AHCYL2: variants seen among roughly 807,000 people sequenced by gnomAD.
AHCYL2 encodes S-adenosylhomocysteine hydrolase-like protein 2.
Under a neutral mutation model 81.4 loss-of-function variants are expected in AHCYL2, and 28 were observed. The ratio of observed to expected loss-of-function variants is 0.34; its 90% CI spans 0.25 to 0.47. The LOEUF (loss-of-function observed/expected upper bound fraction) is 0.47, where lower values mean the gene tolerates loss of function less well. AHCYL2 is among the 20% of genes least tolerant of loss of function. The probability of loss-of-function intolerance (pLI) is 1.00; values close to 1 mark genes in which losing one functional copy is unlikely to be tolerated. For synonymous variants in AHCYL2, 272 were observed against 290.2 expected, an observed-to-expected ratio of 0.94 and a Z score of 0.64; for missense variants, 551 against 785.1, an observed-to-expected ratio of 0.70 and a Z score of 3.56.
At chr7:129,405,476 C>T (rs781597928) in intron 8 of AHCYL2, 16 of 350,524 alleles carry the variant, frequency 4.6e-5, no homozygotes, top group Non-Finnish European at 7.5e-5. Flanking sequence ...GTGTTATCTA[C>T]ATCTTCTTCC....
intron 1 of AHCYL2, among the ~76,000 whole-genome samples, chr7:129,370,349 T>C (rs2150859520): frequency 6.6e-6 from 1 of 152,218 alleles, no homozygotes; most frequent in Middle Eastern, 3.4e-3. Flanking sequence ...AAACACTCTT[T>C]ATTTAATAAA....
chr7:129,364,357 C>T (rs1007791516), intron 1 of AHCYL2, among the ~76,000 whole-genome samples: 10 of 152,146 alleles, frequency 6.6e-5, no homozygotes, highest in Admixed American at 1.3e-4. Context: ...TGCAGTGGCG[C>T]GATCTCGGCT....
At chr7:129,344,179 A>G (rs1457100477) in intron 1 of AHCYL2, among the ~76,000 whole-genome samples, 1 of 152,202 alleles carries the variant, frequency 6.6e-6, no homozygotes, top group African/African-American at 2.4e-5. Flanking sequence ...TGCTGGTGTG[A>G]AACAGTTTAT....
chr7:129,295,136 G>C (rs1427631148), intron 1 of AHCYL2, among the ~76,000 whole-genome samples: 1 of 152,178 alleles, frequency 6.6e-6, no homozygotes, highest in Non-Finnish European at 1.5e-5. Context: ...AATGGCACAG[G>C]AGTTATTCTC....
At chr7:129,267,233 G>GTGTGTGTGTGTA (rs371788777) in intron 1 of AHCYL2, among the ~76,000 whole-genome samples, 4,197 of 103,062 alleles carry the variant, frequency 0.041, 77 homozygotes, top group East Asian at 0.099. Flanking sequence ...CTCAAGGGGT[G>GTGTGTGTGTGTA]TGTGTGTGTG....
intron 1 of AHCYL2, among the ~76,000 whole-genome samples, chr7:129,243,355 G>A (rs1044123259): frequency 1.3e-5 from 2 of 151,824 alleles, no homozygotes; most frequent in Non-Finnish European, 2.9e-5. Context: ...TATCAGATAT[G>A]TGTGTGTGTT....
rs79518285 is a variant in AHCYL2 at position 129,419,229 on chromosome 7, G to A, written c.1462-3611G>A. Among the ~76,000 whole-genome samples, 4 of 152,076 alleles carry A rather than the reference G, an allele frequency of 2.6e-5. No homozygotes were observed. The highest frequency in any genetic ancestry group is 9.7e-5 in the African/African-American group (4 of 41,398). On this transcript the variant is annotated intron_variant, in intron 12 of 16. Coordinates refer to ENST00000325006, the MANE Select transcript of AHCYL2 (RefSeq NM_015328.4). This position sits in a 1 kb window ranked among gnomAD's most constrained non-coding sequence, Gnocchi z 4.7. ...TTATGCTCTCCACTGTCTTTTGGCC[G>A]TATCTTTCTTTTATATGTTTGCTTT...
At chr7:129,260,713 A>G in intron 1 of AHCYL2, among the ~76,000 whole-genome samples, 1 of 152,156 alleles carries the variant, frequency 6.6e-6, no homozygotes. Flanking sequence ...ATTAACTTTT[A>G]AGCTGTCAAT....
At chr7:129,346,121 A>G (rs1793353591) in intron 1 of AHCYL2, among the ~76,000 whole-genome samples, 1 of 152,114 alleles carries the variant, frequency 6.6e-6, no homozygotes, top group Non-Finnish European at 1.5e-5. Flanking sequence ...TCCTTTTTCT[A>G]CAACCAGAGT....
chr7:129,370,565 G>A (rs1248984951), intron 1 of AHCYL2, among the ~76,000 whole-genome samples: 1 of 152,306 alleles, frequency 6.6e-6, no homozygotes, highest in East Asian at 1.9e-4. Context: ...GGGCGTGGTG[G>A]CGGGCGCCTA....
chr7:129,364,912 A>G (rs886577896), intron 1 of AHCYL2, among the ~76,000 whole-genome samples: 2 of 152,242 alleles, frequency 1.3e-5, no homozygotes, highest in Non-Finnish European at 2.9e-5. Flanking sequence ...TAAGCCTCAT[A>G]AATATAAAAC....
chr7:129,406,024 G>A lies in AHCYL2; in HGVS notation c.1206+125G>A. On this transcript the variant is annotated intron_variant, in intron 9 of 16. Transcript: ENST00000325006. The surrounding 1 kb of genome is among the most constrained non-coding windows in gnomAD (Gnocchi z 4.3). ...ACTTTAGATGAGAAAAAGAATTTCA[G>A]AGGCCTTCTGGTTGAAGTAGACTTT... is the stretch of plus-strand genomic sequence containing the variant. The A allele has an allele frequency of 1.1e-6, 1 of 875,452 alleles. No individual in the cohort carries two copies. Among genetic ancestry groups the A allele is most frequent in the Non-Finnish European group, 1.7e-6 (1 of 571,924 alleles). The allele number at this position is 875,452 out of a possible 1,614,324, so 54.2% of individuals were successfully genotyped here.
At chr7:129,410,406 T>C (rs1796511477) in intron 11 of AHCYL2, 1 of 1,594,446 alleles carries the variant, frequency 6.3e-7, no homozygotes, top group African/African-American at 1.3e-5. Context: ...CCCAGTGAAC[T>C]ATTAGCAATT....
At position 129,255,970 on chromosome 7, in the gene AHCYL2, C is replaced by CA. The variant is rs879399847; in HGVS notation, c.363+30542dup. On this transcript the variant is annotated intron_variant, in intron 1 of 16. Coordinates refer to ENST00000325006, the MANE Select transcript of AHCYL2 (RefSeq NM_015328.4). Reference sequence around the variant, plus strand: ...CAGAGCAAGACTGTGTCTCAAAAAACAAAAAAAAAAAGAAAGTGAGATTGA... The same window carrying CA: ...CAGAGCAAGACTGTGTCTCAAAAAACAAAAAAAAAAAAGAAAGTGAGATTGA... 7.7e-4 allele frequency among the ~76,000 whole-genome samples: 108 copies of CA among 140,056 alleles called. 1 individual carries two copies. The highest frequency in any genetic ancestry group is 1.9e-3 in the African/African-American group (72 of 38,324). 91.9% of individuals were successfully genotyped at this position (140,056 alleles called of 152,430 possible).
At chr7:129,392,572 G>C (rs1320026810) in intron 4 of AHCYL2, among the ~76,000 whole-genome samples, 4 of 152,152 alleles carry the variant, frequency 2.6e-5, no homozygotes, top group Non-Finnish European at 5.9e-5. Context: ...TTTAACATAT[G>C]ACTCTGGGGG....
chr7:129,251,961 T>A (rs1251296707), intron 1 of AHCYL2, among the ~76,000 whole-genome samples: 1 of 152,208 alleles, frequency 6.6e-6, no homozygotes, highest in Non-Finnish European at 1.5e-5. Context: ...CTCTTCTGTT[T>A]ATCTCTTCTG....
At chr7:129,304,265 T>G (rs1483153922) in intron 1 of AHCYL2, among the ~76,000 whole-genome samples, 1 of 152,206 alleles carries the variant, frequency 6.6e-6, no homozygotes, top group Non-Finnish European at 1.5e-5. Flanking sequence ...TTACTTCAGT[T>G]TTTTGAGTGT....
chr7:129,394,716 C>T (rs1328749979), intron 4 of AHCYL2, among the ~76,000 whole-genome samples: 1 of 152,030 alleles, frequency 6.6e-6, no homozygotes, highest in Non-Finnish European at 1.5e-5. Context: ...GAGTGCTGGC[C>T]TTTACAGGCC....
At chr7:129,231,315 C>G (rs1794429778) in intron 1 of AHCYL2, among the ~76,000 whole-genome samples, 2 of 151,718 alleles carry the variant, frequency 1.3e-5, no homozygotes, top group African/African-American at 4.8e-5. Flanking sequence ...AAGACAATTA[C>G]TACTACTACT....
Sources: allele counts gnomAD v4.1 joint callset (sites outside exome capture counted in the v4.1 genomes callset), GRCh38; gene constraint gnomAD v4.1.1; non-coding constraint Gnocchi (gnomAD v3.1); transcripts MANE v1.5; gene names NCBI Gene and HGNC (gene_info 2026-07-23, HGNC 2026-07-21).